Variants in TAPT1 observed in about 807,000 individuals in gnomAD.
The protein encoded by TAPT1 is transmembrane anterior posterior transformation 1.
A neutral mutation model predicts 65.6 loss-of-function variants in TAPT1; 28 were observed. That is an observed-to-expected ratio of 0.43 (90% CI 0.32 to 0.59). The LOEUF is 0.59. Ranked by LOEUF, TAPT1 falls within the 20% of genes least tolerant of loss-of-function variation. TAPT1 has a pLI of 0.09. For synonymous variants in TAPT1, 278 were observed against 245.2 expected, an observed-to-expected ratio of 1.13 and a Z score of -1.25; for missense variants, 563 against 679.9, an observed-to-expected ratio of 0.83 and a Z score of 1.91.
chr4:16,189,193 A>G (rs80207584), intron 4 of TAPT1, among the ~76,000 whole-genome samples: 3,430 of 152,318 alleles, frequency 0.023, 130 homozygotes, highest in African/African-American at 0.078. Context: ...AAAGGAGGGC[A>G]TGATATTCAG....
At position 16,161,681 on chromosome 4, in the gene TAPT1, A is replaced by G. The variant is rs1270714517; in HGVS notation, c.*1627T>C. ...AACTTAAAATACTTCCTGGTTTCAC[A>G]AAGGCATGTCCATACAATTTCCTCA... On this transcript the variant is annotated 3_prime_UTR_variant, in exon 14 of 14. Transcript: ENST00000405303. The G allele has an allele frequency of 6.6e-6, 1 of 152,284 alleles. No homozygotes were observed. The highest frequency in any genetic ancestry group is 1.5e-5 in the Non-Finnish European group (1 of 68,042). The allele number at this position is 152,284 out of a possible 1,614,324, so 9.4% of individuals were successfully genotyped here.
At chr4:16,190,925 T>C (rs1308689672) in intron 4 of TAPT1, 1 of 154,374 alleles carries the variant, frequency 6.5e-6, no homozygotes, top group Non-Finnish European at 1.4e-5. Flanking sequence ...ACAGCAAACA[T>C]ATACATAATC....
chr4:16,219,800 G>A (rs1029665251), intron 1 of TAPT1, among the ~76,000 whole-genome samples: 7 of 152,190 alleles, frequency 4.6e-5, no homozygotes, highest in Non-Finnish European at 1.0e-4. Flanking sequence ...AAAAAACTGA[G>A]GTTCACAGAA....
chr4:16,183,227 T>TA (rs1748816717), intron 7 of TAPT1: 1 of 152,212 alleles, frequency 6.6e-6, no homozygotes, highest in African/African-American at 2.4e-5. Flanking sequence ...AGGGTAAAGT[T>TA]AATTTCTTAT....
chr4:16,194,945 T>C (rs1373898817), intron 3 of TAPT1, among the ~76,000 whole-genome samples: 1 of 152,040 alleles, frequency 6.6e-6, no homozygotes, highest in African/African-American at 2.4e-5. Context: ...TTGGCCAGGA[T>C]GGTCTTGAAC....
At position 16,193,960 on chromosome 4, in the gene TAPT1, C is replaced by T. The variant is rs28637271; in HGVS notation, c.450-2437G>A. 3.2e-3 allele frequency among the ~76,000 whole-genome samples: 484 copies of T among 152,260 alleles called. 3 individuals carry two copies. The highest frequency in any genetic ancestry group is 0.011 in the African/African-American group (450 of 41,552). ...GTAGAAAACTATACTTAGAGCTTTT[C>T]GTATTAGATGGCATCTACTTAGTTG... On this transcript the variant is annotated intron_variant, in intron 3 of 13. Transcript: ENST00000405303.
chr4:16,199,868 G>A (rs1017163568), intron 3 of TAPT1, among the ~76,000 whole-genome samples: 2 of 152,126 alleles, frequency 1.3e-5, no homozygotes, highest in Non-Finnish European at 2.9e-5. Context: ...AAGATGACAG[G>A]TGTGTACCAC....
At chr4:16,195,022 G>A (rs776341230) in intron 3 of TAPT1, among the ~76,000 whole-genome samples, 3 of 152,010 alleles carry the variant, frequency 2.0e-5, no homozygotes, top group Non-Finnish European at 4.4e-5. Context: ...TTGAGCCACC[G>A]TGCCCGATAA....
At chr4:16,174,063 A>T in intron 11 of TAPT1, 141 bp downstream of exon 11, 1 of 696,410 alleles carries the variant, frequency 1.4e-6, no homozygotes, top group Non-Finnish European at 2.3e-6. Flanking sequence ...GCTATAATTT[A>T]AAACAAAATT....
chr4:16,166,714 C>T lies in TAPT1; in HGVS notation c.1393G>A (p.Glu465Lys), dbSNP rs35606284. 2,165 of 1,613,986 alleles carry T rather than the reference C, an allele frequency of 1.3e-3. 28 individuals carry two copies. The African/African-American group carries it at 0.026, about 19-fold the overall frequency. ...GTTGCGGGAGGATTCGACAGCTTCT[C>T]TTCCATTTTGGCTTCCTTCACATAC... ...CQYVKEAKME[E>K]KLSNPPATCT... Residue 465 changes from glutamate to lysine, a missense_variant, in exon 13 of 14, where the codon GAG becomes AAG. Around this residue, in one of 5 missense-constraint regions of TAPT1, gnomAD observed 136 missense variants for 153.9 expected, o/e 0.88. Transcript: ENST00000405303.
intron 3 of TAPT1, among the ~76,000 whole-genome samples, chr4:16,201,540 T>C (rs1209687217): frequency 6.6e-6 from 1 of 152,150 alleles, no homozygotes; most frequent in Non-Finnish European, 1.5e-5. Context: ...AAAAATGCTG[T>C]GAAGAGTGAC....
chr4:16,174,575 CTTTAG>C, intron 10 of TAPT1, 90 bp downstream of exon 10: 1 of 1,163,718 alleles, frequency 8.6e-7, no homozygotes, highest in South Asian at 1.5e-5. Flanking sequence ...TGTAGCTTTC[CTTTAG>C]TTAATATTTC....
chr4:16,204,708 T>G, intron 2 of TAPT1, among the ~76,000 whole-genome samples: 1 of 152,238 alleles, frequency 6.6e-6, no homozygotes, highest in East Asian at 1.9e-4. Context: ...CGCAGTCTAG[T>G]ACCACCCACA....
intron 3 of TAPT1, among the ~76,000 whole-genome samples, chr4:16,197,714 T>G (rs1279391178): frequency 6.6e-6 from 1 of 152,220 alleles, no homozygotes; most frequent in Non-Finnish European, 1.5e-5. Context: ...CTGTTTTATA[T>G]GTCATGAATC....
At chr4:16,189,629 A>G (rs925279366) in intron 4 of TAPT1, among the ~76,000 whole-genome samples, 2 of 152,232 alleles carry the variant, frequency 1.3e-5, no homozygotes, top group Admixed American at 6.5e-5. Flanking sequence ...ATAACAGGTA[A>G]TAAAGGAAGG....
At chr4:16,224,519 C>T (rs975595504) in intron 1 of TAPT1, among the ~76,000 whole-genome samples, 1 of 152,174 alleles carries the variant, frequency 6.6e-6, no homozygotes, top group African/African-American at 2.4e-5. Context: ...TTGGAATTCT[C>T]ACCTAAATCC....
chr4:16,169,311 G>T (rs1747839895), intron 12 of TAPT1, among the ~76,000 whole-genome samples: 1 of 152,302 alleles, frequency 6.6e-6, no homozygotes, highest in South Asian at 2.1e-4. Context: ...AAGGTTTTCA[G>T]ATGTAGCATA....
intron 1 of TAPT1, 91 bp from the exon 2 acceptor site, chr4:16,213,989 A>G: frequency 9.3e-7 from 1 of 1,074,240 alleles, no homozygotes; most frequent in Non-Finnish European, 1.3e-6. Context: ...ATACATATAA[A>G]ACAAAGAGAC....
At position 16,213,876 on chromosome 4, in the gene TAPT1, GAGGA is replaced by G; in HGVS notation, c.218_221del (p.Phe73SerfsTer5). 6.3e-7 allele frequency: 1 copy of G among 1,597,728 alleles called. No individual in the cohort carries two copies. The highest frequency in any genetic ancestry group is 8.5e-7 in the Non-Finnish European group (1 of 1,175,618). On this transcript the variant is annotated frameshift_variant, in exon 2 of 14. Coordinates refer to ENST00000405303, the MANE Select transcript of TAPT1 (RefSeq NM_153365.3). LOFTEE classifies it high-confidence loss of function. Reference sequence around the variant, plus strand: ...AGTACCCTCTTGTTAGTTCAGCACTGAGGAACCTCAACAATGAAAGCTCTACAGA... The same window carrying G: ...AGTACCCTCTTGTTAGTTCAGCACTGACCTCAACAATGAAAGCTCTACAGA...
Sources: allele counts gnomAD v4.1 joint callset (sites outside exome capture counted in the v4.1 genomes callset), GRCh38; gene constraint gnomAD v4.1.1; regional missense constraint gnomAD v4.1.1; transcripts MANE v1.5; gene names NCBI Gene and HGNC (gene_info 2026-07-23, HGNC 2026-07-21).